The following CNTLN variants were observed in gnomAD, a reference collection of about 807,000 sequenced individuals.
CNTLN encodes the protein centlein, centrosomal protein.
A neutral mutation model predicts 180.0 loss-of-function variants in CNTLN; 212 were observed. The observed-to-expected ratio is 1.18, with a 90% CI of 1.05 to 1.32. The LOEUF (loss-of-function observed/expected upper bound fraction) is 1.32. Ranked by LOEUF, CNTLN falls within the 40% of genes most tolerant of loss-of-function variation. The pLI is 0.00. For synonymous variants in CNTLN, 722 were observed against 563.1 expected (o/e 1.28, Z -3.99); for missense variants, 2,095 against 1,610.9 (o/e 1.30, Z -5.14).
intron 8 of CNTLN, among the ~76,000 whole-genome samples, chr9:17,320,139 A>G (rs1261954406): frequency 6.6e-6 from 1 of 152,242 alleles, no homozygotes; most frequent in African/African-American, 2.4e-5. Flanking sequence ...TGGCAAGACC[A>G]CAAGATGAGT....
rs558553753 is a variant in CNTLN, at chr9:17,489,787, T to C, written c.4119+2721T>C. 7.8e-4 allele frequency among the ~76,000 whole-genome samples: 119 copies of C among 152,198 alleles called. 1 individual carries two copies. The highest frequency in any genetic ancestry group is 7.2e-3 in the South Asian group (35 of 4,832). Reference sequence around the variant, plus strand: ...AGATATATGCCATTATTTCAAGTAGTTGTGATGCTATTGGTAATTTTTTAT... The same window carrying C: ...AGATATATGCCATTATTTCAAGTAGCTGTGATGCTATTGGTAATTTTTTAT... On this transcript the variant is annotated intron_variant, in intron 25 of 25. Transcript: ENST00000380647.
chr9:17,257,163 TC>T (rs1486307776), intron 5 of CNTLN, among the ~76,000 whole-genome samples: 1 of 151,788 alleles, frequency 6.6e-6, no homozygotes, highest in Admixed American at 6.6e-5. Flanking sequence ...AGTGTGATGT[TC>T]CCCTTCCTGT....
chr9:17,486,695 T>A (rs1345429018), intron 24 of CNTLN, among the ~76,000 whole-genome samples: 1 of 152,122 alleles, frequency 6.6e-6, no homozygotes, highest in African/African-American at 2.4e-5. Flanking sequence ...GATTTTTCAC[T>A]TTAATTGCTT....
At chr9:17,176,674 A>G (rs776080954) in intron 2 of CNTLN, among the ~76,000 whole-genome samples, 98 of 152,268 alleles carry the variant, frequency 6.4e-4, no homozygotes, top group South Asian at 2.3e-3. Flanking sequence ...TTCTTCTTCA[A>G]ATATTTGGTG....
intron 5 of CNTLN, among the ~76,000 whole-genome samples, chr9:17,243,051 TTCTG>T (rs150655368): frequency 0.026 from 3,992 of 152,302 alleles, 116 homozygotes; most frequent in African/African-American, 0.075. Flanking sequence ...TTATTCGTGG[TTCTG>T]TCTTAGTAGG....
intron 2 of CNTLN, among the ~76,000 whole-genome samples, chr9:17,175,944 G>A (rs1044056220): frequency 6.6e-5 from 10 of 151,852 alleles, no homozygotes; most frequent in Non-Finnish European, 1.2e-4. Flanking sequence ...AAGGATTTCC[G>A]TGTGCACTTA....
At chr9:17,284,828 A>G (rs377562369) in intron 6 of CNTLN, among the ~76,000 whole-genome samples, 2 of 150,702 alleles carry the variant, frequency 1.3e-5, no homozygotes, top group East Asian at 2.0e-4. Context: ...TTGGTTCTCT[A>G]TTTCTTTTAG....
intron 6 of CNTLN, among the ~76,000 whole-genome samples, chr9:17,288,798 A>G (rs541611840): frequency 0.023 from 3,103 of 133,498 alleles, 619 homozygotes; most frequent in African/African-American, 0.096. Flanking sequence ...TGTTGGTTTA[A>G]AGTCTGTTTT....
intron 2 of CNTLN, among the ~76,000 whole-genome samples, chr9:17,193,836 C>A (rs370522503): frequency 1.3e-5 from 2 of 152,196 alleles, no homozygotes; most frequent in African/African-American, 4.8e-5. Flanking sequence ...CATGAGCGCC[C>A]GCCCTGCAAC....
At chr9:17,254,729 C>A (rs1214371221) in intron 5 of CNTLN, among the ~76,000 whole-genome samples, 1 of 114,968 alleles carries the variant, frequency 8.7e-6, no homozygotes, top group East Asian at 2.1e-4. Context: ...AATATGAGTT[C>A]TCCAATATTG....
intron 24 of CNTLN, among the ~76,000 whole-genome samples, chr9:17,484,709 C>G (rs1275609820): frequency 6.6e-6 from 1 of 152,032 alleles, no homozygotes; most frequent in South Asian, 2.1e-4. Flanking sequence ...TATAACCTTT[C>G]AAATTACTTG....
intron 12 of CNTLN, among the ~76,000 whole-genome samples, chr9:17,362,827 T>TTGC (rs1823508814): frequency 6.6e-6 from 1 of 152,122 alleles, no homozygotes; most frequent in African/African-American, 2.4e-5. Context: ...CCATGGTGGT[T>TTGC]TGCTGCACCC....
At chr9:17,164,380 A>G (rs1762084687) in intron 2 of CNTLN, among the ~76,000 whole-genome samples, 1 of 143,826 alleles carries the variant, frequency 7.0e-6, no homozygotes, top group Admixed American at 7.0e-5. Flanking sequence ...AAAAAAAACC[A>G]TTTGTTAGCT....
chr9:17,337,267 C>T (rs1821116015), intron 10 of CNTLN, among the ~76,000 whole-genome samples: 1 of 152,186 alleles, frequency 6.6e-6, no homozygotes, highest in East Asian at 1.9e-4. Flanking sequence ...GTTGCCTGTT[C>T]ACTCTGATGA....
chr9:17,306,934 C>T (rs563878747), intron 7 of CNTLN, among the ~76,000 whole-genome samples: 2 of 152,236 alleles, frequency 1.3e-5, no homozygotes, highest in South Asian at 4.1e-4. Flanking sequence ...GCCAGGTTAG[C>T]TCTTGTGTCC....
At chr9:17,450,075 T>C (rs1830694852) in intron 18 of CNTLN, among the ~76,000 whole-genome samples, 1 of 152,242 alleles carries the variant, frequency 6.6e-6, no homozygotes, top group African/African-American at 2.4e-5. Flanking sequence ...GTAAATGTTA[T>C]TGAGAGTAGC....
chr9:17,348,779 C>T (rs890477356), intron 12 of CNTLN, among the ~76,000 whole-genome samples: 1 of 152,100 alleles, frequency 6.6e-6, no homozygotes, highest in African/African-American at 2.4e-5. Flanking sequence ...ATCCACTTGC[C>T]TTGGCCTCCC....
chr9:17,194,844 T>C (rs1822022579), intron 2 of CNTLN, among the ~76,000 whole-genome samples: 1 of 152,170 alleles, frequency 6.6e-6, no homozygotes, highest in African/African-American at 2.4e-5. Context: ...CAGTTTTACA[T>C]GGCTGGGGAG....
At chr9:17,422,791 G>A (rs767499543) in intron 18 of CNTLN, among the ~76,000 whole-genome samples, 8 of 152,064 alleles carry the variant, frequency 5.3e-5, no homozygotes, top group Non-Finnish European at 1.0e-4. Flanking sequence ...TGGTGTCTGG[G>A]CATGAAAGTG....
Sources: allele counts gnomAD v4.1 joint callset (sites outside exome capture counted in the v4.1 genomes callset), GRCh38; gene constraint gnomAD v4.1.1; transcripts MANE v1.5; gene names NCBI Gene and HGNC (gene_info 2026-07-23, HGNC 2026-07-21).